ZZEF1: variants seen among roughly 807,000 people sequenced by gnomAD.
ZZEF1 encodes the protein zinc finger ZZ-type and EF-hand domain-containing protein 1.
A neutral mutation model predicts 342.8 loss-of-function variants in ZZEF1; 157 were observed. The observed-to-expected ratio is 0.46, with a 90% CI of 0.40 to 0.52. ZZEF1 has a LOEUF of 0.52. Ranked by LOEUF, ZZEF1 falls within the 20% of genes least tolerant of loss-of-function variation. The pLI is 0.00. For missense variants in ZZEF1, 3,480 were observed against 3,725.6 expected (o/e 0.93, Z 1.72); for synonymous variants, 1,505 against 1,429.1 (o/e 1.05, Z -1.20).
intron 1 of ZZEF1, among the ~76,000 whole-genome samples, chr17:4,125,808 TCACA>T (rs958969276): frequency 6.6e-6 from 1 of 151,602 alleles, no homozygotes; most frequent in Non-Finnish European, 1.5e-5. Flanking sequence ...GGCCTGGGAG[TCACA>T]CAGTCCTGAT....
chr17:4,065,531 T>C (rs562275276), intron 28 of ZZEF1, among the ~76,000 whole-genome samples: 1 of 152,288 alleles, frequency 6.6e-6, no homozygotes, highest in South Asian at 2.1e-4. Flanking sequence ...GCACACTTTT[T>C]AGAAAAAGTT....
chr17:4,072,421 C>T (rs2057527074), intron 25 of ZZEF1, among the ~76,000 whole-genome samples, 187 bp downstream of exon 25: 1 of 152,188 alleles, frequency 6.6e-6, no homozygotes, highest in Non-Finnish European at 1.5e-5. Context: ...TTCTGAACAC[C>T]TATTGCGCAC....
At chr17:4,094,828 A>G (rs1033136845) in intron 11 of ZZEF1, among the ~76,000 whole-genome samples, 1 of 152,100 alleles carries the variant, frequency 6.6e-6, no homozygotes, top group Non-Finnish European at 1.5e-5. Context: ...CTGCTCTAGT[A>G]GGAGTCACCC....
intron 1 of ZZEF1, among the ~76,000 whole-genome samples, chr17:4,128,750 C>G (rs1027710494): frequency 3.4e-5 from 5 of 148,498 alleles, no homozygotes; most frequent in African/African-American, 9.9e-5. Context: ...GCGTGAGCTA[C>G]TGCGCCTGGC....
chr17:4,119,172 C>T (rs2058444508), intron 2 of ZZEF1, among the ~76,000 whole-genome samples: 1 of 152,232 alleles, frequency 6.6e-6, no homozygotes, highest in African/African-American at 2.4e-5. Context: ...TTTGCTCAAG[C>T]AATGAAACCA....
intron 2 of ZZEF1, among the ~76,000 whole-genome samples, chr17:4,120,053 C>T (rs113369742): frequency 0.024 from 3,727 of 152,246 alleles, 69 homozygotes; most frequent in Non-Finnish European, 0.033. Flanking sequence ...AGGAATCCAT[C>T]CTTAAAATTC....
chr17:4,028,257 G>C lies in ZZEF1; in HGVS notation c.6893-3139C>G, dbSNP rs184023719. Among the ~76,000 whole-genome samples, 6 of 152,164 alleles carry C rather than the reference G, an allele frequency of 3.9e-5. No individual in the cohort carries two copies. The East Asian group carries it at 1.2e-3, about 29-fold the overall frequency. Reference sequence around the variant, plus strand: ...ACATTACATTTTTTTGCTTCAAAAAGTGAGATACTGGCCAGGCATGGTGGT... The same window carrying C: ...ACATTACATTTTTTTGCTTCAAAAACTGAGATACTGGCCAGGCATGGTGGT... On this transcript the variant is annotated intron_variant, in intron 42 of 54. Coordinates refer to ENST00000381638, the MANE Select transcript of ZZEF1 (RefSeq NM_015113.4).
chr17:4,049,686 G>A (rs766227199), intron 37 of ZZEF1, 22 bp downstream of exon 37: 16 of 1,613,698 alleles, frequency 9.9e-6, no homozygotes, highest in South Asian at 2.2e-5. Context: ...GTGATTCTGT[G>A]TAGTAAAGAA....
intron 2 of ZZEF1, among the ~76,000 whole-genome samples, chr17:4,119,398 A>G (rs1246271752): frequency 6.6e-6 from 1 of 151,990 alleles, no homozygotes; most frequent in Non-Finnish European, 1.5e-5. Context: ...CTGATTTACT[A>G]TTTTTCTAGG....
intron 42 of ZZEF1, among the ~76,000 whole-genome samples, chr17:4,025,644 T>C (rs1256668189): frequency 6.6e-6 from 1 of 150,842 alleles, no homozygotes; most frequent in Non-Finnish European, 1.5e-5. Flanking sequence ...ATCATGCCAT[T>C]GCATTCCAGC....
At chr17:4,050,432 T>G (rs977993818) in intron 36 of ZZEF1, among the ~76,000 whole-genome samples, 4 of 152,224 alleles carry the variant, frequency 2.6e-5, no homozygotes, top group Non-Finnish European at 5.9e-5. Context: ...TACACTTGTG[T>G]GGAAGCAGAT....
chr17:4,140,149 C>T (rs373816229), intron 1 of ZZEF1, among the ~76,000 whole-genome samples: 1 of 152,178 alleles, frequency 6.6e-6, no homozygotes, highest in South Asian at 2.1e-4. Context: ...GGACTGCCTA[C>T]CTGGACATTT....
intron 52 of ZZEF1, among the ~76,000 whole-genome samples, chr17:4,010,170 A>AAAAC (rs964701788): frequency 6.6e-6 from 1 of 151,442 alleles, no homozygotes; most frequent in Non-Finnish European, 1.5e-5. Context: ...CAAAAAATTA[A>AAAAC]AAACAAACAA....
At chr17:4,007,540 G>A (rs530811989) in intron 54 of ZZEF1, among the ~76,000 whole-genome samples, 3 of 152,276 alleles carry the variant, frequency 2.0e-5, no homozygotes, top group East Asian at 1.9e-4. Flanking sequence ...AGGAGGAAAT[G>A]GAGACTGGAC....
At chr17:4,068,318 C>A (rs1197999768) in intron 26 of ZZEF1, among the ~76,000 whole-genome samples, 1 of 152,104 alleles carries the variant, frequency 6.6e-6, no homozygotes, top group African/African-American at 2.4e-5. Flanking sequence ...TTGCTCATTT[C>A]CCAGACTAGA....
intron 37 of ZZEF1, 82 bp from the exon 38 acceptor site, chr17:4,044,456 G>A: frequency 1.5e-6 from 2 of 1,344,524 alleles, no homozygotes; most frequent in Non-Finnish European, 2.0e-6. Flanking sequence ...TTAATGATTA[G>A]CCAGTCTTCA....
rs1274547548 is a variant in ZZEF1 at position 4,017,460 on chromosome 17, C to T, written c.7912G>A (p.Glu2638Lys). The T allele has an allele frequency of 2.1e-5, 34 of 1,614,124 alleles. No homozygotes were observed. The highest frequency in any genetic ancestry group is 2.8e-5 in the Non-Finnish European group (33 of 1,180,046). Reference sequence around the variant, plus strand: ...GGGCCACTGAGCTCCAGGATGTCCTCGCTCACTGGCACGTGGCTAGGCCAC... The same window carrying T: ...GGGCCACTGAGCTCCAGGATGTCCTTGCTCACTGGCACGTGGCTAGGCCAC... ...AEWPSHVPVS[E>K]DILELSGPAH... The change falls in exon 48 of 55, where the codon GAG becomes AAG. Residue 2638 changes from glutamate to lysine, a missense_variant. Around this residue, in one of 5 missense-constraint regions of ZZEF1, gnomAD observed 1,269 missense variants for 1,342.4 expected, o/e 0.95. Coordinates refer to ENST00000381638, the MANE Select transcript of ZZEF1 (RefSeq NM_015113.4). The surrounding 1 kb of genome is among the most constrained non-coding windows in gnomAD (Gnocchi z 5.1).
At chr17:4,124,267 A>C (rs566431920) in intron 1 of ZZEF1, among the ~76,000 whole-genome samples, 8 of 152,334 alleles carry the variant, frequency 5.3e-5, no homozygotes, top group Non-Finnish European at 8.8e-5. Context: ...TTTGTATTCC[A>C]ATCTATATTC....
chr17:4,079,643 A>C (rs77781604), intron 18 of ZZEF1, among the ~76,000 whole-genome samples: 10,895 of 152,242 alleles, frequency 0.072, 553 homozygotes, highest in Non-Finnish European at 0.11. Flanking sequence ...GTTACCCTAG[A>C]TCTAAATTAA....
Sources: allele counts gnomAD v4.1 joint callset (sites outside exome capture counted in the v4.1 genomes callset), GRCh38; gene constraint gnomAD v4.1.1; regional missense constraint gnomAD v4.1.1; non-coding constraint Gnocchi (gnomAD v3.1); transcripts MANE v1.5; gene names NCBI Gene and HGNC (gene_info 2026-07-23, HGNC 2026-07-21).